The following CD4 variants were observed in gnomAD, a reference collection of about 807,000 sequenced individuals.
CD4 encodes the protein CD4 molecule, also known as T-cell surface glycoprotein CD4.
In CD4, 25 loss-of-function variants were observed where a neutral mutation model predicts 50.5. The observed-to-expected ratio is 0.49, with a 90% confidence interval of 0.36 to 0.69. The LOEUF is 0.69. CD4 is among the 30% of genes least tolerant of loss of function. CD4 has a pLI of 0.00. For missense variants in CD4, 456 were observed against 548.5 expected, an observed-to-expected ratio of 0.83 and a Z score of 1.68; for synonymous variants, 207 against 221.9, an observed-to-expected ratio of 0.93 and a Z score of 0.60.
chr12:6,797,253 C>T (rs1355848645), intron 1 of CD4, among the ~76,000 whole-genome samples: 2 of 152,130 alleles, frequency 1.3e-5, no homozygotes, highest in Admixed American at 1.3e-4. Flanking sequence ...CCACCACCCC[C>T]AGTCTCGCCT....
Position 6,792,561 on chromosome 12 carries a change from C to T in CD4, c.-68+2899C>T, listed in dbSNP as rs1438309639. On this transcript the variant is annotated intron_variant, in intron 1 of 9. Coordinates refer to ENST00000011653, the MANE Select transcript of CD4 (RefSeq NM_000616.5). This position sits in a 1 kb window ranked among gnomAD's most constrained non-coding sequence, Gnocchi z 4.1. Reference sequence around the variant, plus strand: ...CTTTCCCTCCCCTCCTCCCTTGAGGCTCTGTGCATTCTGGGGAACTCTGTC... The same window carrying T: ...CTTTCCCTCCCCTCCTCCCTTGAGGTTCTGTGCATTCTGGGGAACTCTGTC... Among the ~76,000 whole-genome samples the T allele has an allele frequency of 1.3e-5, 2 of 152,166 alleles. No homozygotes were observed. The highest frequency in any genetic ancestry group is 4.8e-5 in the African/African-American group (2 of 41,418).
intron 9 of CD4, 78 bp from the exon 10 acceptor site, chr12:6,819,221 A>G: frequency 7.0e-7 from 1 of 1,426,502 alleles, no homozygotes; most frequent in Non-Finnish European, 9.9e-7. Flanking sequence ...GCTGCGCTGG[A>G]AAGGCCATTG....
At chr12:6,796,011 T>C (rs748618408) in intron 1 of CD4, among the ~76,000 whole-genome samples, 7 of 152,180 alleles carry the variant, frequency 4.6e-5, no homozygotes, top group African/African-American at 9.7e-5. Flanking sequence ...GATGTGTGCA[T>C]ACATTTCAGT....
chr12:6,818,786 A>T lies in CD4; in HGVS notation c.1279-61A>T, dbSNP rs1943183483. 14 of 1,472,608 alleles carry T rather than the reference A, an allele frequency of 9.5e-6. No individual in the cohort carries two copies. In the South Asian group the frequency reaches 1.6e-4, roughly 17 times the overall value. 91.2% of individuals were successfully genotyped at this position (1,472,608 alleles called of 1,614,324 possible). A position where few individuals can be genotyped will look rare whatever the true frequency, so the allele number is the denominator to read the frequency against. The stretch of plus-strand genomic sequence containing the variant: ...GCAGCTTCCCCCACTCCCCCCACCA[A>T]GGGGCACCTCCCTTCTGGAGGCCTG... On this transcript the variant is annotated intron_variant, in intron 8 of 9. Transcript: ENST00000011653. The surrounding 1 kb of genome is among the most constrained non-coding windows in gnomAD (Gnocchi z 5.0).
In CD4 at chr12:6,818,856, G is replaced by A. The variant is rs1943187002; in HGVS notation, c.1288G>A (p.Glu430Lys). The A allele has an allele frequency of 3.1e-6, 5 of 1,613,558 alleles. No individual in the cohort carries two copies. The highest frequency in any genetic ancestry group is 4.2e-6 in the Non-Finnish European group (5 of 1,179,710). ...TCTTGTCCCTGGACAGCGCCAAGCA[G>A]AGCGGATGTCTCAGATCAAGAGACT... The part of the protein sequence containing the change: ...VRCRHRRRQA[E>K]RMSQIKRLLS... Residue 430 changes from glutamate to lysine, a missense_variant, in exon 9 of 10, where the codon GAG becomes AAG. By Grantham distance (56) the Glu-to-Lys change is moderately conservative (BLOSUM62 1). Coordinates refer to ENST00000011653, the MANE Select transcript of CD4 (RefSeq NM_000616.5). This position sits in a 1 kb window ranked among gnomAD's most constrained non-coding sequence, Gnocchi z 5.0.
chr12:6,806,186 CACAAGTATAT>C (rs1775872862), intron 3 of CD4, among the ~76,000 whole-genome samples: 5 of 72,700 alleles, frequency 6.9e-5, no homozygotes, highest in Non-Finnish European at 1.7e-4. Context: ...CACACACATA[CACAAGTATAT>C]ACACATATAT....
Position 6,800,315 on chromosome 12 carries a change from C to G in CD4, c.58C>G (p.Pro20Ala). ...LLLVLQLALL[P>A]AATQGKKVVL... ...CTTTCTTTTCCACTTAGCGCTCCTC[C>G]CAGCAGCCACTCAGGGAAAGAAAGT... Residue 20 changes from proline to alanine, a missense_variant, in exon 3 of 10, where the codon CCA becomes GCA. Physicochemically the swap from Pro to Ala is conservative, Grantham distance 27 (BLOSUM62 -1). Coordinates refer to ENST00000011653, the MANE Select transcript of CD4 (RefSeq NM_000616.5). The G allele has an allele frequency of 6.2e-7, 1 of 1,613,884 alleles. No individual in the cohort carries two copies. Among genetic ancestry groups the G allele is most frequent in the South Asian group, 1.1e-5 (1 of 91,054 alleles).
At chr12:6,814,073 C>T in intron 3 of CD4, 69 bp from the exon 4 acceptor site, 2 of 1,351,072 alleles carry the variant, frequency 1.5e-6, no homozygotes, top group Non-Finnish European at 2.1e-6. Context: ...GAGCCGTGGG[C>T]ATTCTCTTGC....
At chr12:6,796,341 G>A (rs1050205593) in intron 1 of CD4, among the ~76,000 whole-genome samples, 4 of 152,158 alleles carry the variant, frequency 2.6e-5, no homozygotes, top group African/African-American at 4.8e-5. Context: ...AAGCTTCAAC[G>A]GCAAAGATGC....
chr12:6,805,415 T>G (rs141170566), intron 3 of CD4, among the ~76,000 whole-genome samples: 217 of 150,698 alleles, frequency 1.4e-3, no homozygotes, highest in African/African-American at 4.4e-3. Flanking sequence ...ATGCAAAAAT[T>G]AGGCAGGTGT....
chr12:6,796,632 CCA>C (rs1555114416), intron 1 of CD4, among the ~76,000 whole-genome samples: 1 of 152,214 alleles, frequency 6.6e-6, no homozygotes, highest in Non-Finnish European at 1.5e-5. Flanking sequence ...ACAGACCATG[CCA>C]CATCTTTACC....
intron 1 of CD4, among the ~76,000 whole-genome samples, chr12:6,791,230 C>G (rs371921527): frequency 3.2e-4 from 48 of 152,258 alleles, no homozygotes; most frequent in African/African-American, 1.1e-3. Flanking sequence ...GACCAATTGT[C>G]TTGCACGTTT....
At chr12:6,807,035 C>T (rs997815691) in intron 3 of CD4, among the ~76,000 whole-genome samples, 3 of 151,860 alleles carry the variant, frequency 2.0e-5, no homozygotes, top group Admixed American at 1.3e-4. Flanking sequence ...GGCGTGGTGG[C>T]GGGCGCCTGT....
rs782786009 is a variant in CD4 at position 6,817,194 on chromosome 12, G to C, written c.1020G>C (p.Leu340=). 42 of 1,614,082 alleles carry C rather than the reference G, an allele frequency of 2.6e-5. No homozygotes were observed. The highest frequency in any genetic ancestry group is 3.6e-5 in the Non-Finnish European group (42 of 1,179,950). Residue 340 remains leucine (L), a synonymous_variant, in exon 7 of 10, where the codon CTG becomes CTC. Coordinates refer to ENST00000011653, the MANE Select transcript of CD4 (RefSeq NM_000616.5). ...VWGPTSPKLM[L]SLKLENKEAK... ...GACCCACCTCCCCTAAGCTGATGCT[G>C]AGTTTGAAACTGGAGAACAAGGAGG...
chr12:6,820,725 A>C lies in CD4; in HGVS notation c.*1396A>C, dbSNP rs1943246192. ...CCCCCTATTGCTGCTGGGGCTCCCC[A>C]TTTGCTTACTTTGCATTTGTGCCCA... is the stretch of plus-strand genomic sequence containing the variant. On this transcript the variant is annotated 3_prime_UTR_variant, in exon 10 of 10. Transcript: ENST00000011653. 1 of 151,696 alleles carries C rather than the reference A, an allele frequency of 6.6e-6. No homozygotes were observed. Among genetic ancestry groups the C allele is most frequent in the African/African-American group, 2.4e-5 (1 of 41,126 alleles). The allele number at this position is 151,696 out of a possible 1,614,324, so 9.4% of individuals were successfully genotyped here.
chr12:6,817,987 C>T (rs549975031), intron 7 of CD4, among the ~76,000 whole-genome samples: 44 of 152,024 alleles, frequency 2.9e-4, no homozygotes, highest in Non-Finnish European at 4.6e-4. Flanking sequence ...TGCACACACG[C>T]GCGCGCACAT....
At chr12:6,808,289 T>C (rs1425909256) in intron 3 of CD4, among the ~76,000 whole-genome samples, 2 of 147,244 alleles carry the variant, frequency 1.4e-5, no homozygotes, top group Non-Finnish European at 3.0e-5. Flanking sequence ...CCGTCTCTAC[T>C]AAAATACAAA....
In CD4 at chr12:6,818,537, C is replaced by G. The variant is rs202139523; in HGVS notation, c.1273C>G (p.Arg425Gly). The change falls in exon 8 of 10, where the codon CGA (arginine) becomes GGA (glycine). Residue 425 changes from arginine (R) to glycine (G), a missense_variant. Physicochemically the swap from Arg to Gly is moderately radical, Grantham distance 125. Transcript: ENST00000011653. This position sits in a 1 kb window ranked among gnomAD's most constrained non-coding sequence, Gnocchi z 5.0. ...CTTCTTCTGTGTCAGGTGCCGGCAC[C>G]GAAGGGTGAGTAACCCCACACCTGG... The part of the protein sequence containing the change: ...GIFFCVRCRH[R>G]RRQAERMSQI... The G allele has an allele frequency of 6.2e-7, 1 of 1,612,570 alleles. No individual in the cohort carries two copies. The highest frequency in any genetic ancestry group is 8.5e-7 in the Non-Finnish European group (1 of 1,180,012).
At chr12:6,800,757 C>A (rs1375374765) in intron 3 of CD4, among the ~76,000 whole-genome samples, 1 of 151,936 alleles carries the variant, frequency 6.6e-6, no homozygotes, top group Admixed American at 6.6e-5. Flanking sequence ...AGTATTGTTG[C>A]TACAGACCTA....
Sources: allele counts gnomAD v4.1 joint callset (sites outside exome capture counted in the v4.1 genomes callset), GRCh38; gene constraint gnomAD v4.1.1; non-coding constraint Gnocchi (gnomAD v3.1); transcripts MANE v1.5; gene names NCBI Gene and HGNC (gene_info 2026-07-23, HGNC 2026-07-21).